The following SPATA6 variants were observed in gnomAD, a reference collection of about 807,000 sequenced individuals.
SPATA6 encodes the protein spermatogenesis-associated protein 6.
A neutral mutation model predicts 65.3 loss-of-function variants in SPATA6; 56 were observed. That is an observed-to-expected ratio of 0.86 (90% CI 0.69 to 1.07). The LOEUF is 1.07. SPATA6 is among the 50% of genes least tolerant of loss of function. The pLI is 0.00. For missense variants in SPATA6, 590 were observed against 594.8 expected, an observed-to-expected ratio of 0.99 and a Z score of 0.08; for synonymous variants, 199 against 213.2, an observed-to-expected ratio of 0.93 and a Z score of 0.58.
chr1:48,335,763 C>G (rs1646042842), intron 11 of SPATA6, among the ~76,000 whole-genome samples: 1 of 151,974 alleles, frequency 6.6e-6, no homozygotes, highest in African/African-American at 2.4e-5. Flanking sequence ...GCAATTGCAA[C>G]AAAAGCAAAA....
intron 3 of SPATA6, among the ~76,000 whole-genome samples, chr1:48,441,440 GT>G (rs1369213562): frequency 6.6e-6 from 1 of 152,174 alleles, no homozygotes; most frequent in Non-Finnish European, 1.5e-5. Context: ...TGCCTTTCTT[GT>G]TATGCCTGAA....
At chr1:48,313,158 T>G (rs1014104161) in intron 11 of SPATA6, among the ~76,000 whole-genome samples, 2 of 152,120 alleles carry the variant, frequency 1.3e-5, no homozygotes, top group African/African-American at 4.8e-5. Context: ...AGTCTAGCAA[T>G]GCAGGCTGAC....
At chr1:48,419,014 AG>A (rs1389327337) in intron 3 of SPATA6, among the ~76,000 whole-genome samples, 1 of 152,186 alleles carries the variant, frequency 6.6e-6, no homozygotes, top group South Asian at 2.1e-4. Context: ...ATTTTTCCTG[AG>A]GTCAATTACT....
At chr1:48,277,196 G>A in the SPATA6 span, among the ~76,000 whole-genome samples, 3 of 151,688 alleles carry the variant, frequency 2.0e-5, no homozygotes, top group Admixed American at 6.6e-5. Flanking sequence ...TGGGAGGCTG[G>A]AGCCAAGATG....
Position 48,436,692 on chromosome 1 carries a change from A to C in SPATA6, c.238+14860T>G, listed in dbSNP as rs918708168. 4.3e-6 allele frequency: 7 copies of C among 1,614,094 alleles called. No individual in the cohort carries two copies. In the Admixed American group the frequency reaches 6.7e-5, roughly 15 times the overall value. The stretch of plus-strand genomic sequence containing the variant: ...GTCCAGAACTACTGAGACAGGATTT[A>C]CATGGGTATAATGTGAAGTCAGATA... On this transcript the variant is annotated intron_variant, in intron 3 of 12. Transcript: ENST00000371847.
intron 7 of SPATA6, among the ~76,000 whole-genome samples, chr1:48,398,040 C>T (rs552244329): frequency 6.6e-6 from 1 of 151,506 alleles, no homozygotes; most frequent in East Asian, 1.9e-4. Flanking sequence ...ATAGTATATC[C>T]TTTCTTTTCA....
the SPATA6 span, among the ~76,000 whole-genome samples, chr1:48,279,239 A>T: frequency 6.6e-6 from 1 of 152,366 alleles, no homozygotes; most frequent in African/African-American, 2.4e-5. Flanking sequence ...GCCAAATTGT[A>T]AAGACCATCG....
chr1:48,279,107 A>C, the SPATA6 span, among the ~76,000 whole-genome samples: 1 of 152,180 alleles, frequency 6.6e-6, no homozygotes, highest in South Asian at 2.1e-4. Context: ...GGAGAAATAA[A>C]ATCCTTTACA....
At chr1:48,411,400 T>G (rs951380428) in intron 5 of SPATA6, 64 bp downstream of exon 5, 92 of 1,530,384 alleles carry the variant, frequency 6.0e-5, no homozygotes, top group Non-Finnish European at 6.5e-5. Flanking sequence ...TGGCGAGCAC[T>G]ATGCGGTGGT....
intron 8 of SPATA6, among the ~76,000 whole-genome samples, chr1:48,394,888 G>T (rs1044419717): frequency 6.6e-6 from 1 of 151,872 alleles, no homozygotes; most frequent in Non-Finnish European, 1.5e-5. Flanking sequence ...TAGGGCTAAA[G>T]ATGAAAAACC....
intron 10 of SPATA6, among the ~76,000 whole-genome samples, chr1:48,356,241 TA>T (rs1646655817): frequency 6.6e-6 from 1 of 152,092 alleles, no homozygotes; most frequent in Non-Finnish European, 1.5e-5. Flanking sequence ...TAAATGCATC[TA>T]AAAAATTGAA....
chr1:48,262,765 A>G, the SPATA6 span: 1 of 152,178 alleles, frequency 6.6e-6, no homozygotes, highest in Non-Finnish European at 1.5e-5. Context: ...TTTTACTTTC[A>G]TATAACGACT....
intron 11 of SPATA6, among the ~76,000 whole-genome samples, chr1:48,349,347 T>C (rs1279722634): frequency 1.3e-5 from 2 of 152,024 alleles, no homozygotes; most frequent in Non-Finnish European, 2.9e-5. Flanking sequence ...ATAGTGACTA[T>C]GTAGTTCTTT....
chr1:48,325,760 C>A, intron 11 of SPATA6: 1 of 479,262 alleles, frequency 2.1e-6, no homozygotes, highest in Non-Finnish European at 4.0e-6. Context: ...GGTGTATGCC[C>A]CTGTGGATGC....
intron 9 of SPATA6, among the ~76,000 whole-genome samples, chr1:48,363,547 C>A (rs1170937629): frequency 1.3e-5 from 2 of 151,870 alleles, no homozygotes; most frequent in Non-Finnish European, 2.9e-5. Context: ...GAGCTTGGCT[C>A]ATAAAGATAA....
chr1:48,266,083 A>G, the SPATA6 span, among the ~76,000 whole-genome samples: 1 of 152,216 alleles, frequency 6.6e-6, no homozygotes, highest in Admixed American at 6.5e-5. Flanking sequence ...TTCCTATTCA[A>G]TGTAGCAAAG....
intron 3 of SPATA6, among the ~76,000 whole-genome samples, chr1:48,417,872 T>C (rs1381626717): frequency 6.6e-6 from 1 of 152,136 alleles, no homozygotes; most frequent in Non-Finnish European, 1.5e-5. Flanking sequence ...TTTTGTTTTT[T>C]GTTGTTGTTG....
rs753510751 is a variant in SPATA6 at position 48,448,470 on chromosome 1, A to C, written c.238+3082T>G. ...TCAAAATGCAGGCACACAACAAACA[A>C]GTTTATTCAGTGTCCCCACAGGAAA... On this transcript the variant is annotated intron_variant, in intron 3 of 12. Transcript: ENST00000371847. Among the ~76,000 whole-genome samples the C allele has an allele frequency of 7.8e-4, 117 of 150,424 alleles. 1 individual carries two copies. The highest frequency in any genetic ancestry group is 1.0e-3 in the Admixed American group (15 of 14,884).
chr1:48,374,071 T>C (rs1647610281), intron 9 of SPATA6, among the ~76,000 whole-genome samples: 1 of 152,188 alleles, frequency 6.6e-6, no homozygotes, highest in Admixed American at 6.5e-5. Flanking sequence ...TATGGGAAAG[T>C]GTGTGTATAG....
Sources: allele counts gnomAD v4.1 joint callset (sites outside exome capture counted in the v4.1 genomes callset), GRCh38; gene constraint gnomAD v4.1.1; transcripts MANE v1.5; gene names NCBI Gene and HGNC (gene_info 2026-07-23, HGNC 2026-07-21).